Variants in ZCCHC7 observed in about 807,000 individuals in gnomAD.
The protein encoded by ZCCHC7 is zinc finger CCHC-type containing 7, also known as zinc finger CCHC domain-containing protein 7.
Under a neutral mutation model 52.0 loss-of-function variants are expected in ZCCHC7, and 35 were observed. The observed-to-expected ratio is 0.67, with a 90% CI of 0.51 to 0.89. ZCCHC7 has a LOEUF of 0.89. Among genes scored for constraint, ZCCHC7 ranks in the 40% least tolerant of loss-of-function variants. The pLI, the probability that ZCCHC7 is intolerant of heterozygous loss-of-function variation, is 0.00. For missense variants in ZCCHC7, 574 were observed against 649.1 expected (o/e 0.88, Z 1.26); for synonymous variants, 217 against 221.5 (o/e 0.98, Z 0.18).
Position 37,357,379 on chromosome 9 carries a change from TTG to T in ZCCHC7, c.*113_*114del. The T allele has an allele frequency of 8.8e-7, 1 of 1,131,534 alleles. No homozygotes were observed. Among genetic ancestry groups the T allele is most frequent in the Non-Finnish European group, 1.2e-6 (1 of 831,486 alleles). 70.1% of individuals were successfully genotyped at this position (1,131,534 alleles called of 1,614,324 possible). Reference sequence around the variant, plus strand: ...GATTAAATAAAGTGAGTTTTTGGTTTTGTTTTTTTAATTTCAGCCATTCCTAG... The same window carrying T: ...GATTAAATAAAGTGAGTTTTTGGTTTTTTTTTTAATTTCAGCCATTCCTAG... On this transcript the variant is annotated 3_prime_UTR_variant, in exon 9 of 9. Coordinates refer to ENST00000336755, the MANE Select transcript of ZCCHC7 (RefSeq NM_032226.3).
chr9:37,235,962 G>C (rs1825632687), intron 2 of ZCCHC7, among the ~76,000 whole-genome samples: 1 of 151,964 alleles, frequency 6.6e-6, no homozygotes, highest in South Asian at 2.1e-4. Flanking sequence ...TTCCTCTGTT[G>C]GTGGGCAGAT....
intron 2 of ZCCHC7, among the ~76,000 whole-genome samples, chr9:37,177,887 A>G (rs922030508): frequency 1.3e-4 from 20 of 152,204 alleles, no homozygotes; most frequent in Non-Finnish European, 2.1e-4. Context: ...CTAGGGAGAC[A>G]TGACAACTAA....
chr9:37,139,781 A>C (rs1843145454), intron 2 of ZCCHC7, among the ~76,000 whole-genome samples: 1 of 152,006 alleles, frequency 6.6e-6, no homozygotes, highest in Non-Finnish European at 1.5e-5. Context: ...TAAGTAGCTT[A>C]AGAGGTATTT....
At position 37,201,601 on chromosome 9, in the gene ZCCHC7, C is replaced by T. The variant is rs562753232; in HGVS notation, c.610+74659C>T. Among the ~76,000 whole-genome samples the T allele has an allele frequency of 2.0e-5, 3 of 152,294 alleles. No individual in the cohort carries two copies. The South Asian group carries it at 6.2e-4, about 32-fold the overall frequency. ...AGAAAATCTGAATGGGAAGCAAAAT[C>T]TGACTGGAGAATCCAGTGGTCCAGA... is the stretch of plus-strand genomic sequence containing the variant. On this transcript the variant is annotated intron_variant, in intron 2 of 8. Coordinates refer to ENST00000336755, the MANE Select transcript of ZCCHC7 (RefSeq NM_032226.3).
At chr9:37,250,356 C>G (rs893486818) in intron 2 of ZCCHC7, among the ~76,000 whole-genome samples, 1 of 146,504 alleles carries the variant, frequency 6.8e-6, no homozygotes, top group Non-Finnish European at 1.5e-5. Context: ...GATTGGAGAG[C>G]AGTGGTGCAA....
chr9:37,236,537 G>A (rs371613416), intron 2 of ZCCHC7, among the ~76,000 whole-genome samples: 15 of 152,032 alleles, frequency 9.9e-5, no homozygotes, highest in Middle Eastern at 3.4e-3. Context: ...GACTACAGGC[G>A]CCCGCCACCA....
intron 2 of ZCCHC7, among the ~76,000 whole-genome samples, chr9:37,296,909 G>GTA (rs1828813031): frequency 6.6e-6 from 1 of 151,348 alleles, no homozygotes; most frequent in African/African-American, 2.4e-5. Context: ...GTGTGTGTGT[G>GTA]TGTGTGTGTG....
intron 2 of ZCCHC7, among the ~76,000 whole-genome samples, chr9:37,268,005 GA>G (rs917042960): frequency 2.6e-5 from 4 of 152,086 alleles, no homozygotes; most frequent in African/African-American, 9.7e-5. Flanking sequence ...GCATTTTCTT[GA>G]AGTTGAAGAT....
At chr9:37,195,033 A>G (rs1588461930) in intron 2 of ZCCHC7, among the ~76,000 whole-genome samples, 1 of 132,930 alleles carries the variant, frequency 7.5e-6, no homozygotes, top group African/African-American at 2.9e-5. Flanking sequence ...TGCAACCTCC[A>G]CCACCCGGGT....
intron 2 of ZCCHC7, among the ~76,000 whole-genome samples, chr9:37,287,088 G>A (rs1828288857): frequency 7.7e-6 from 1 of 129,884 alleles, no homozygotes; most frequent in Admixed American, 8.2e-5. Flanking sequence ...GAAGTGCAGT[G>A]GTGTAATTAC....
At chr9:37,224,185 T>C (rs1333759080) in intron 2 of ZCCHC7, among the ~76,000 whole-genome samples, 1 of 152,176 alleles carries the variant, frequency 6.6e-6, no homozygotes, top group African/African-American at 2.4e-5. Context: ...TGAGATACTC[T>C]TAAGAATTCA....
At chr9:37,350,424 G>T (rs995222286) in intron 7 of ZCCHC7, among the ~76,000 whole-genome samples, 2 of 152,168 alleles carry the variant, frequency 1.3e-5, no homozygotes, top group Admixed American at 6.5e-5. Flanking sequence ...GAGCCACTGC[G>T]CCCGGCCCAA....
At chr9:37,147,155 A>C (rs1843469053) in intron 2 of ZCCHC7, among the ~76,000 whole-genome samples, 1 of 151,922 alleles carries the variant, frequency 6.6e-6, no homozygotes, top group African/African-American at 2.4e-5. Flanking sequence ...TTAATAAATA[A>C]TTGCAATATT....
chr9:37,136,833 T>A lies in ZCCHC7; in HGVS notation c.610+9891T>A, dbSNP rs140384646. Reference sequence around the variant, plus strand: ...TTTGTAGAGACAGTGTCTCACCATGTTGCCTACCCTTGTCTTGAACTCCTG... The same window carrying A: ...TTTGTAGAGACAGTGTCTCACCATGATGCCTACCCTTGTCTTGAACTCCTG... On this transcript the variant is annotated intron_variant, in intron 2 of 8. Coordinates refer to ENST00000336755, the MANE Select transcript of ZCCHC7 (RefSeq NM_032226.3). 2.8e-3 allele frequency among the ~76,000 whole-genome samples: 432 copies of A among 152,266 alleles called. 2 individuals carry two copies. Among genetic ancestry groups the A allele is most frequent in the African/African-American group, 9.8e-3 (408 of 41,544 alleles).
chr9:37,353,030 A>C (rs972062126), intron 7 of ZCCHC7, among the ~76,000 whole-genome samples: 12 of 152,220 alleles, frequency 7.9e-5, no homozygotes, highest in Admixed American at 2.6e-4. Context: ...GATTATTTGA[A>C]AACTCTTTTT....
chr9:37,218,370 G>T lies in ZCCHC7; in HGVS notation c.611-83818G>T, dbSNP rs75800680. On this transcript the variant is annotated intron_variant, in intron 2 of 8. Coordinates refer to ENST00000336755, the MANE Select transcript of ZCCHC7 (RefSeq NM_032226.3). ...CTGACTCCCCAAGTTAACTATTATG[G>T]GTTCATGGTTAAGGCACACAATCAG... 3.0e-4 allele frequency among the ~76,000 whole-genome samples: 45 copies of T among 152,218 alleles called. 1 individual carries two copies. In the East Asian group the frequency reaches 7.9e-3, roughly 27 times the overall value.
At chr9:37,213,703 C>T (rs1824359645) in intron 2 of ZCCHC7, among the ~76,000 whole-genome samples, 1 of 152,050 alleles carries the variant, frequency 6.6e-6, no homozygotes, top group African/African-American at 2.4e-5. Context: ...TTGACTAGTA[C>T]CAATATGCCA....
At position 37,349,431 on chromosome 9, in the gene ZCCHC7, G is replaced by A. The variant is rs146613861; in HGVS notation, c.1062G>A (p.Ala354=). The part of the protein sequence containing the change: ...PSALAYCYHC[A]QKGHYGHECP... ...CCTTAGCATATTGCTATCACTGCGCGCAAAAAGGCCATTATGGACACGTAA... is the reference window on the plus strand; with the variant it reads ...CCTTAGCATATTGCTATCACTGCGCACAAAAAGGCCATTATGGACACGTAA... Residue 354 remains alanine, a synonymous_variant, in exon 7 of 9, where the codon GCG becomes GCA. Transcript: ENST00000336755. 110 of 1,613,910 alleles carry A rather than the reference G, an allele frequency of 6.8e-5. No individual in the cohort carries two copies. The highest frequency in any genetic ancestry group is 4.1e-4 in the African/African-American group (31 of 75,040).
chr9:37,226,563 A>G (rs995509596), intron 2 of ZCCHC7, among the ~76,000 whole-genome samples: 2 of 152,252 alleles, frequency 1.3e-5, no homozygotes, highest in Non-Finnish European at 2.9e-5. Flanking sequence ...ATTTACATAA[A>G]GATACCAAAC....
Sources: gnomAD v4.1 joint callset for allele counts (sites outside exome capture counted in the v4.1 genomes callset) on GRCh38, gnomAD v4.1.1 for gene constraint, MANE v1.5 for transcripts, NCBI Gene and HGNC (gene_info 2026-07-23, HGNC 2026-07-21) for gene names.